BBS4: variants seen among roughly 807,000 people sequenced by gnomAD.
BBS4 encodes Bardet-Biedl syndrome 4.
A neutral mutation model predicts 71.4 loss-of-function variants in BBS4; 58 were observed. The observed-to-expected ratio is 0.81, with a 90% CI of 0.66 to 1.01. The LOEUF (loss-of-function observed/expected upper bound fraction) is 1.01, where lower values mean the gene tolerates loss of function less well. BBS4 is among the 50% of genes least tolerant of loss of function. BBS4 has a pLI of 0.00. For synonymous variants in BBS4, 228 were observed against 216.8 expected (o/e 1.05, Z -0.46); for missense variants, 660 against 607.9 (o/e 1.09, Z -0.90).
intron 7 of BBS4, among the ~76,000 whole-genome samples, chr15:72,723,763 TTATATACTTGGTTAG>T (rs1397299797): frequency 5.3e-5 from 8 of 152,210 alleles, no homozygotes; most frequent in Admixed American, 3.9e-4. Flanking sequence ...ATCTATAGTT[TTATATACTTGGTTAG>T]GAGATTTTTC....
chr15:72,735,487 G>T, intron 13 of BBS4: 1 of 518,814 alleles, frequency 1.9e-6, no homozygotes. Context: ...ATGGGACTCT[G>T]GGCTGTTTAA....
At chr15:72,735,321 G>A in intron 13 of BBS4, 139 bp downstream of exon 13, 1 of 706,618 alleles carries the variant, frequency 1.4e-6, no homozygotes. Context: ...ACCTCAGTGT[G>A]GAGGGATGTG....
chr15:72,728,045 G>C, intron 9 of BBS4, 51 bp downstream of exon 9: 1 of 1,424,824 alleles, frequency 7.0e-7, no homozygotes. Context: ...AATGGTTTTG[G>C]GTTTGTGTGT....
intron 5 of BBS4, 56 bp downstream of exon 5, chr15:72,715,458 C>A: frequency 8.1e-7 from 1 of 1,233,224 alleles, no homozygotes; most frequent in Non-Finnish European, 1.2e-6. Context: ...GTGTAAAATG[C>A]ATTCCTAGGT....
chr15:72,735,483 C>T, intron 13 of BBS4: 1 of 519,408 alleles, frequency 1.9e-6, no homozygotes, highest in African/African-American at 1.9e-5. Context: ...TCAGATGGGA[C>T]TCTGGGCTGT....
intron 1 of BBS4, chr15:72,686,659 G>T (rs2064849439): frequency 8.2e-6 from 8 of 975,910 alleles, no homozygotes; most frequent in Non-Finnish European, 5.7e-6. Flanking sequence ...CCTTCTGCCA[G>T]TGGAGCGGGA....
At chr15:72,722,754 A>G (rs2065600241) in intron 6 of BBS4, 40 bp from the exon 7 acceptor site, 2 of 1,586,896 alleles carry the variant, frequency 1.3e-6, no homozygotes, top group Non-Finnish European at 1.7e-6. Flanking sequence ...TTACTGTGGA[A>G]TTACACCTGA....
chr15:72,722,680 G>A, intron 6 of BBS4, 114 bp from the exon 7 acceptor site: 1 of 929,870 alleles, frequency 1.1e-6, no homozygotes, highest in Non-Finnish European at 1.7e-6. Flanking sequence ...GTAATGCATA[G>A]TTTAAAGTTT....
chr15:72,715,537 G>A (rs1292869413), intron 5 of BBS4, 135 bp downstream of exon 5: 1 of 716,932 alleles, frequency 1.4e-6, no homozygotes, highest in Non-Finnish European at 2.6e-6. Flanking sequence ...GGTACAGTGG[G>A]ATTCACTCTG....
intron 2 of BBS4, among the ~76,000 whole-genome samples, chr15:72,699,543 A>G (rs767168061): frequency 4.6e-5 from 7 of 152,206 alleles, no homozygotes; most frequent in African/African-American, 1.7e-4. Flanking sequence ...ACTCATGTAC[A>G]TATTTATATT....
intron 2 of BBS4, chr15:72,704,384 A>G: frequency 8.6e-7 from 1 of 1,162,402 alleles, no homozygotes; most frequent in Non-Finnish European, 1.1e-6. Context: ...TTCTCATAAT[A>G]CCTGTGAAAG....
intron 8 of BBS4, 53 bp from the exon 9 acceptor site, chr15:72,727,887 C>A: frequency 2.2e-6 from 3 of 1,354,668 alleles, no homozygotes; most frequent in South Asian, 2.3e-5. Flanking sequence ...GTGCATGTGT[C>A]TTCGTGTTTC....
chr15:72,702,822 T>TTTTTG, intron 2 of BBS4, among the ~76,000 whole-genome samples: 1 of 113,654 alleles, frequency 8.8e-6, no homozygotes, highest in Non-Finnish European at 1.8e-5. Context: ...TTTTTTTTTT[T>TTTTTG]TTTGAGACGG....
intron 2 of BBS4, 67 bp downstream of exon 2, chr15:72,695,295 A>ATTT: frequency 4.1e-6 from 4 of 978,280 alleles, no homozygotes; most frequent in Non-Finnish European, 5.9e-6. Context: ...TTATTTATTT[A>ATTT]TTTTTTTTTT....
intron 12 of BBS4, among the ~76,000 whole-genome samples, chr15:72,734,665 A>G (rs1344975448): frequency 6.6e-6 from 1 of 152,124 alleles, no homozygotes; most frequent in African/African-American, 2.4e-5. Context: ...TGTCAAGGAA[A>G]TACTGATTTT....
At chr15:72,714,389 C>A (rs749638952) in intron 4 of BBS4, among the ~76,000 whole-genome samples, 1 of 152,084 alleles carries the variant, frequency 6.6e-6, no homozygotes, top group Non-Finnish European at 1.5e-5. Context: ...CCATGTCCAG[C>A]TAGTTTTTGT....
chr15:72,692,832 G>C (rs1053480379), intron 1 of BBS4, among the ~76,000 whole-genome samples: 12 of 148,378 alleles, frequency 8.1e-5, no homozygotes, highest in African/African-American at 2.5e-4. Flanking sequence ...TTCTAGGCTC[G>C]TGTGATCCTC....
chr15:72,697,191 C>T (rs1001972960), intron 2 of BBS4, among the ~76,000 whole-genome samples: 1 of 152,154 alleles, frequency 6.6e-6, no homozygotes, highest in African/African-American at 2.4e-5. Context: ...CTTTGGCCCC[C>T]CAAAGTACTG....
chr15:72,695,274 TTC>T (rs749521192), intron 2 of BBS4, 46 bp downstream of exon 2: 3 of 1,288,232 alleles, frequency 2.3e-6, no homozygotes, highest in Admixed American at 4.1e-5. Context: ...ACAGACAGAT[TTC>T]TCTTTTATTT....
Sources: gnomAD v4.1 joint callset for allele counts (sites outside exome capture counted in the v4.1 genomes callset) on GRCh38, gnomAD v4.1.1 for gene constraint, MANE v1.5 for transcripts, NCBI Gene and HGNC (gene_info 2026-07-23, HGNC 2026-07-21) for gene names.